Variants in SNRNP40 observed in about 807,000 individuals in gnomAD.
The protein encoded by SNRNP40 is small nuclear ribonucleoprotein U5 subunit 40, also known as U5 small nuclear ribonucleoprotein 40 kDa protein.
In SNRNP40, 21 loss-of-function variants were observed where a neutral mutation model predicts 45.8. The ratio of observed to expected loss-of-function variants is 0.46; its 90% CI spans 0.32 to 0.66. SNRNP40 has a LOEUF of 0.66. SNRNP40 is among the 30% of genes least tolerant of loss of function. The probability of loss-of-function intolerance (pLI) is 0.03; values close to 1 mark genes in which losing one functional copy is unlikely to be tolerated. For synonymous variants in SNRNP40, 142 were observed against 163.8 expected, an observed-to-expected ratio of 0.87 and a Z score of 1.01; for missense variants, 344 against 439.1, an observed-to-expected ratio of 0.78 and a Z score of 1.94.
chr1:31,272,576 T>C (rs1379245041), intron 5 of SNRNP40, among the ~76,000 whole-genome samples: 2 of 152,326 alleles, frequency 1.3e-5, no homozygotes, highest in African/African-American at 4.8e-5. Flanking sequence ...TGTTTCCTGG[T>C]CTGTAAGATT....
chr1:31,289,684 G>A (rs192072347), intron 3 of SNRNP40, among the ~76,000 whole-genome samples: 71 of 152,236 alleles, frequency 4.7e-4, no homozygotes, highest in African/African-American at 1.7e-3. Flanking sequence ...TAATGTAGCA[G>A]TTTGCTCTAT....
intron 4 of SNRNP40, among the ~76,000 whole-genome samples, chr1:31,282,653 T>C (rs1646027531): frequency 6.6e-6 from 1 of 151,640 alleles, no homozygotes; most frequent in Non-Finnish European, 1.5e-5. Context: ...TGTATCTATG[T>C]GTCTATCTAT....
At chr1:31,279,559 C>A (rs1024654684) in intron 5 of SNRNP40, among the ~76,000 whole-genome samples, 1 of 151,842 alleles carries the variant, frequency 6.6e-6, no homozygotes, top group Admixed American at 6.6e-5. Flanking sequence ...ACCAGCCTGA[C>A]CAACACAGAG....
At chr1:31,273,579 G>A (rs1344897862) in intron 5 of SNRNP40, among the ~76,000 whole-genome samples, 1 of 151,824 alleles carries the variant, frequency 6.6e-6, no homozygotes, top group African/African-American at 2.4e-5. Flanking sequence ...GGCGGAGGCT[G>A]CAGTGAGCCG....
At chr1:31,283,419 A>G (rs1162859322) in intron 4 of SNRNP40, among the ~76,000 whole-genome samples, 1 of 152,202 alleles carries the variant, frequency 6.6e-6, no homozygotes, top group Non-Finnish European at 1.5e-5. Flanking sequence ...CGTGGCTAAC[A>G]TGGTAAAACC....
At chr1:31,261,380 A>G (rs966804682) in intron 9 of SNRNP40, 149 bp downstream of exon 9, 3 of 624,356 alleles carry the variant, frequency 4.8e-6, no homozygotes, top group Non-Finnish European at 8.4e-6. Context: ...CCAACAACAA[A>G]AAAACCAACA....
rs866587679 is a variant in SNRNP40, at chr1:31,273,565, G to A, written c.655-2066C>T. Among the ~76,000 whole-genome samples, 23 of 150,890 alleles carry A rather than the reference G, an allele frequency of 1.5e-4. 1 individual carries two copies. The highest frequency in any genetic ancestry group is 5.1e-4 in the African/African-American group (21 of 40,886). Reference sequence around the variant, plus strand: ...TGAGGCAGAAGAATCACTTGAACCCGGGAGGCGGAGGCTGCAGTGAGCCGA... The same window carrying A: ...TGAGGCAGAAGAATCACTTGAACCCAGGAGGCGGAGGCTGCAGTGAGCCGA... On this transcript the variant is annotated intron_variant, in intron 5 of 9. Coordinates refer to ENST00000263694, the MANE Select transcript of SNRNP40 (RefSeq NM_004814.3).
At chr1:31,288,914 G>T (rs1294008748) in intron 4 of SNRNP40, among the ~76,000 whole-genome samples, 2 of 152,090 alleles carry the variant, frequency 1.3e-5, no homozygotes, top group African/African-American at 4.8e-5. Context: ...TGTATTTTTA[G>T]TAGAGACGGG....
At chr1:31,283,925 C>G (rs1335923965) in intron 4 of SNRNP40, among the ~76,000 whole-genome samples, 1 of 152,088 alleles carries the variant, frequency 6.6e-6, no homozygotes, top group African/African-American at 2.4e-5. Flanking sequence ...AGAGCTAAAA[C>G]TATAAAATTC....
intron 5 of SNRNP40, among the ~76,000 whole-genome samples, chr1:31,280,932 C>A (rs1381546944): frequency 6.6e-6 from 1 of 152,132 alleles, no homozygotes; most frequent in East Asian, 1.9e-4. Flanking sequence ...GGTCTATTGC[C>A]TCTTTAATAT....
At chr1:31,262,958 C>T (rs907597307) in intron 8 of SNRNP40, among the ~76,000 whole-genome samples, 1 of 150,886 alleles carries the variant, frequency 6.6e-6, no homozygotes, top group African/African-American at 2.4e-5. Flanking sequence ...GCTGAGATGG[C>T]ACCACTGCAC....
intron 5 of SNRNP40, among the ~76,000 whole-genome samples, chr1:31,272,277 G>C: frequency 6.6e-6 from 1 of 151,930 alleles, no homozygotes. Flanking sequence ...GTACATGTAT[G>C]GATATGTACA....
intron 4 of SNRNP40, among the ~76,000 whole-genome samples, chr1:31,284,755 T>A (rs573124470): frequency 6.6e-6 from 1 of 152,342 alleles, no homozygotes; most frequent in African/African-American, 2.4e-5. Context: ...TGTGCCAAGA[T>A]GCCTCTTCCT....
At chr1:31,285,243 T>C (rs1341975885) in intron 4 of SNRNP40, among the ~76,000 whole-genome samples, 2 of 30,468 alleles carry the variant, frequency 6.6e-5, no homozygotes, top group East Asian at 4.4e-4. Flanking sequence ...CCTTATCACC[T>C]TTTTTTTTTT....
chr1:31,295,454 C>T (rs189528408), intron 1 of SNRNP40, among the ~76,000 whole-genome samples: 198 of 152,184 alleles, frequency 1.3e-3, no homozygotes, highest in Admixed American at 2.9e-3. Context: ...TACATTTGGG[C>T]AAATATTCGC....
At chr1:31,291,803 A>G (rs887365183) in intron 3 of SNRNP40, 110 bp downstream of exon 3, 5 of 721,140 alleles carry the variant, frequency 6.9e-6, no homozygotes, top group South Asian at 1.6e-5. Context: ...TAAAGTAGCT[A>G]CCCAAAATTA....
intron 1 of SNRNP40, among the ~76,000 whole-genome samples, chr1:31,294,239 T>C (rs916920891): frequency 2.0e-5 from 3 of 152,222 alleles, no homozygotes; most frequent in African/African-American, 7.2e-5. Flanking sequence ...ATTATAGGCA[T>C]GAGCCACTGC....
chr1:31,283,605 AAACC>A (rs1402004868), intron 4 of SNRNP40, among the ~76,000 whole-genome samples: 14 of 152,140 alleles, frequency 9.2e-5, no homozygotes, highest in Admixed American at 9.2e-4. Context: ...TTCGTCTCAA[AAACC>A]AACCAACCAA....
chr1:31,275,251 G>A (rs1645966866), intron 5 of SNRNP40, among the ~76,000 whole-genome samples: 1 of 152,050 alleles, frequency 6.6e-6, no homozygotes. Flanking sequence ...GTTCTTTTCA[G>A]GTTTGACATT....
Sources: allele counts gnomAD v4.1 joint callset (sites outside exome capture counted in the v4.1 genomes callset), GRCh38; gene constraint gnomAD v4.1.1; transcripts MANE v1.5; gene names NCBI Gene and HGNC (gene_info 2026-07-23, HGNC 2026-07-21).